RAB39B: variants seen among roughly 807,000 people sequenced by gnomAD.
The protein encoded by RAB39B is RAB39B, member RAS oncogene family, also known as ras-related protein Rab-39B.
For missense variants in RAB39B, 68 were observed against 171.3 expected (o/e 0.40, Z 3.37); for synonymous variants, 63 against 67.5 (o/e 0.93, Z 0.33).
Position 155,260,637 on chromosome X carries a change from G to T in RAB39B, c.*166C>A. The T allele has an allele frequency of 1.9e-6, 1 of 539,408 alleles. No individual in the cohort carries two copies. Among genetic ancestry groups the T allele is most frequent in the Non-Finnish European group, 3.2e-6 (1 of 315,112 alleles). The allele number at this position is 539,408 out of a possible 1,213,427, so 44.5% of individuals were successfully genotyped here. A position where few individuals can be genotyped will look rare whatever the true frequency, so the allele number is the denominator to read the frequency against. ...TCAGTCCCTTGGTCACAGCACTCAG[G>T]CACCCCCATCCACCCGCACACGAGT... On this transcript the variant is annotated 3_prime_UTR_variant, in exon 2 of 2. Coordinates refer to ENST00000369454, the MANE Select transcript of RAB39B (RefSeq NM_171998.4).
In RAB39B at chrX:155,264,458, G is replaced by T; in HGVS notation, c.-170C>A. On this transcript the variant is annotated 5_prime_UTR_variant, in exon 1 of 2. Transcript: ENST00000369454. ...CAGGCGCCGGGAGAGCGGAGGGATG[G>T]ATGCTGCGCTCGCAAAGGTGATGAA... The T allele has an allele frequency of 2.2e-6, 1 of 456,741 alleles. No individual in the cohort carries two copies. The highest frequency in any genetic ancestry group is 3.8e-6 in the Non-Finnish European group (1 of 263,292). 37.6% of individuals were successfully genotyped at this position (456,741 alleles called of 1,213,427 possible).
At position 155,259,015 on chromosome X, in the gene RAB39B, C is replaced by T. The variant is rs1450451863; in HGVS notation, c.*1788G>A. ...GGGGCACAGGTGGCAGAATAGTCTT[C>T]CATAATTTTCATGATTTGGTTTCTT... On this transcript the variant is annotated 3_prime_UTR_variant, in exon 2 of 2. Transcript: ENST00000369454. 8.9e-6 allele frequency: 1 copy of T among 111,932 alleles called. No homozygotes were observed. The allele number at this position is 111,932 out of a possible 1,213,427, so 9.2% of individuals were successfully genotyped here. A position where few individuals can be genotyped will look rare whatever the true frequency, so the allele number is the denominator to read the frequency against.
At chrX:155,262,171 C>G (rs782136646) in intron 1 of RAB39B, among the ~76,000 whole-genome samples, 51 of 111,999 alleles carry the variant, frequency 4.6e-4, no homozygotes, top group Non-Finnish European at 5.8e-4. Context: ...TTGCTTTAGA[C>G]TACTGTGATT....
rs2074845743 is a variant in RAB39B at position 155,259,633 on chromosome X, G to A, written c.*1170C>T. On this transcript the variant is annotated 3_prime_UTR_variant, in exon 2 of 2. Coordinates refer to ENST00000369454, the MANE Select transcript of RAB39B (RefSeq NM_171998.4). ...CATGTTCCCTCAGGATTATAGCTGA[G>A]TTGTAATCAATAAGGAAAACATATC... 1 of 112,124 alleles carries A rather than the reference G, an allele frequency of 8.9e-6. No individual in the cohort carries two copies. Among genetic ancestry groups the A allele is most frequent in the Admixed American group, 9.4e-5 (1 of 10,594 alleles). The allele number at this position is 112,124 out of a possible 1,213,427, so 9.2% of individuals were successfully genotyped here.
At position 155,260,983 on chromosome X, in the gene RAB39B, G is replaced by A; in HGVS notation, c.462C>T (p.Ala154=). The change falls in exon 2 of 2, where the codon GCC becomes GCT. Residue 154 remains alanine, a synonymous_variant. Coordinates refer to ENST00000369454, the MANE Select transcript of RAB39B (RefSeq NM_171998.4). ...AYGMKYIETS[A]RDAINVEKAF... ...CTTTCTCCACATTAATGGCATCTCG[G>A]GCTGACGTTTCAATGTACTTCATGC... The A allele has an allele frequency of 8.3e-7, 1 of 1,211,426 alleles. No individual in the cohort carries two copies.
Position 155,264,430 on chromosome X carries a change from G to A in RAB39B, c.-142C>T, listed in dbSNP as rs1482798917. 5 of 527,190 alleles carry A rather than the reference G, an allele frequency of 9.5e-6. No individual in the cohort carries two copies. The highest frequency in any genetic ancestry group is 1.3e-5 in the Non-Finnish European group (4 of 318,512). The allele number at this position is 527,190 out of a possible 1,213,427, so 43.4% of individuals were successfully genotyped here. On this transcript the variant is annotated 5_prime_UTR_variant, in exon 1 of 2. Transcript: ENST00000369454. Reference sequence around the variant, plus strand: ...GGCCTGGGAGCCCGAAGCTGGGTAGGCCCAGGCGCCGGGAGAGCGGAGGGA... The same window carrying A: ...GGCCTGGGAGCCCGAAGCTGGGTAGACCCAGGCGCCGGGAGAGCGGAGGGA...
Position 155,260,821 on chromosome X carries a change from C to T in RAB39B, c.624G>A (p.Glu208=). The T allele has an allele frequency of 8.3e-7, 1 of 1,211,765 alleles. No individual in the cohort carries two copies. The change falls in exon 2 of 2, where the codon GAG becomes GAA. Residue 208 remains glutamate, a synonymous_variant. Coordinates refer to ENST00000369454, the MANE Select transcript of RAB39B (RefSeq NM_171998.4). ...GAACTGACTAGCACAAACATCTCCT[C>T]TCTGATTTGACAACCTCTTCTGAAG... is the stretch of plus-strand genomic sequence containing the variant. The part of the protein sequence containing the change: ...VHSSEEVVKS[E]RRCLC
At chrX:155,262,674 A>G (rs2074857390) in intron 1 of RAB39B, among the ~76,000 whole-genome samples, 1 of 112,412 alleles carries the variant, frequency 8.9e-6, no homozygotes, top group Non-Finnish European at 1.9e-5. Context: ...GAAAAGACAG[A>G]TGATAAACTA....
chrX:155,262,710 C>A (rs1307378091), intron 1 of RAB39B, among the ~76,000 whole-genome samples: 5 of 111,903 alleles, frequency 4.5e-5, no homozygotes, highest in African/African-American at 1.6e-4. Flanking sequence ...ACATACATGA[C>A]AGGAAAGGGT....
rs1057515828 is a variant in RAB39B, at chrX:155,258,846, TTTTG to T, written c.*1953_*1956del. 18 of 112,171 alleles carry T rather than the reference TTTTG, an allele frequency of 1.6e-4. No homozygotes were observed. Among genetic ancestry groups the T allele is most frequent in the Admixed American group, 3.8e-4 (4 of 10,606 alleles). The allele number at this position is 112,171 out of a possible 1,213,427, so 9.2% of individuals were successfully genotyped here. ...TTTTGTGTTAATGAAATTTGCCATG[TTTTG>T]TTTGTCTTTTACAACCACGAAGGTG... is the stretch of plus-strand genomic sequence containing the variant. On this transcript the variant is annotated 3_prime_UTR_variant, in exon 2 of 2. Transcript: ENST00000369454.
At chrX:155,262,933 A>G (rs1162045137) in intron 1 of RAB39B, among the ~76,000 whole-genome samples, 4 of 112,381 alleles carry the variant, frequency 3.6e-5, no homozygotes, top group Non-Finnish European at 7.5e-5. Context: ...GGGGAGCTGG[A>G]GGTAACTTAA....
Position 155,264,213 on chromosome X carries a change from G to A in RAB39B, c.76C>T (p.Arg26Cys), listed in dbSNP as rs782088270. 2.5e-6 allele frequency: 3 copies of A among 1,210,812 alleles called. No individual in the cohort carries two copies. Among genetic ancestry groups the A allele is most frequent in the Non-Finnish European group, 3.4e-6 (3 of 895,251 alleles). ...DSTVGKSCLI[R>C]RFTEGRFAQV... is the part of the protein sequence containing the mutation. ...GCAAAGCGACCCTCGGTGAAGCGGC[G>A]GATCAGGCAGGACTTGCCCACTGTG... The change falls in exon 1 of 2, where the codon CGC becomes TGC. Residue 26 changes from arginine (R) to cysteine (C), a missense_variant. By Grantham distance (180) the Arg-to-Cys change is radical. Coordinates refer to ENST00000369454, the MANE Select transcript of RAB39B (RefSeq NM_171998.4).
rs1168636979 is a variant in RAB39B at position 155,260,732 on chromosome X, CAA to C, written c.*69_*70del. The C allele has an allele frequency of 9.3e-7, 1 of 1,072,384 alleles. No homozygotes were observed. The highest frequency in any genetic ancestry group is 1.3e-6 in the Non-Finnish European group (1 of 770,877). The allele number at this position is 1,072,384 out of a possible 1,213,427, so 88.4% of individuals were successfully genotyped here. ...GGAGGTTGAGTTCTCATCAGTTACA[CAA>C]AGATTCTATTTATTTCTCTTACTTT... is the stretch of plus-strand genomic sequence containing the variant. On this transcript the variant is annotated 3_prime_UTR_variant, in exon 2 of 2. Coordinates refer to ENST00000369454, the MANE Select transcript of RAB39B (RefSeq NM_171998.4).
In RAB39B at chrX:155,261,076, G is replaced by T; in HGVS notation, c.369C>A (p.His123Gln). Residue 123 changes from histidine (H) to glutamine (Q), a missense_variant, in exon 2 of 2, where the codon CAC becomes CAA. Coordinates refer to ENST00000369454, the MANE Select transcript of RAB39B (RefSeq NM_171998.4). Reference sequence around the variant, plus strand: ...GCCTCTGTGTATCCAGGTCACACTTGTGACCCACCAGAACAAATACAATTT... The same window carrying T: ...GCCTCTGTGTATCCAGGTCACACTTTTGACCCACCAGAACAAATACAATTT... ...PYQIVFVLVG[H>Q]KCDLDTQRQV... 1 of 1,211,637 alleles carries T rather than the reference G, an allele frequency of 8.3e-7. No individual in the cohort carries two copies. Among genetic ancestry groups the T allele is most frequent in the South Asian group, 1.8e-5 (1 of 56,987 alleles).
Position 155,264,391 on chromosome X carries a change from G to T in RAB39B, c.-103C>A. ...CGGCTCGGCAGGATCTAGCTCAGCC[G>T]CGAGCGCATCGCTGGCCTGGGAGCC... On this transcript the variant is annotated 5_prime_UTR_variant, in exon 1 of 2. Coordinates refer to ENST00000369454, the MANE Select transcript of RAB39B (RefSeq NM_171998.4). The T allele has an allele frequency of 3.8e-6, 3 of 799,799 alleles. No individual in the cohort carries two copies. The highest frequency in any genetic ancestry group is 5.6e-6 in the Non-Finnish European group (3 of 539,670). 65.9% of individuals were successfully genotyped at this position (799,799 alleles called of 1,213,427 possible). A position where few individuals can be genotyped will look rare whatever the true frequency, so the allele number is the denominator to read the frequency against.
chrX:155,262,271 C>T (rs1346085278), intron 1 of RAB39B, among the ~76,000 whole-genome samples: 2 of 111,828 alleles, frequency 1.8e-5, no homozygotes, highest in Non-Finnish European at 3.8e-5. Flanking sequence ...GAAAATGGCT[C>T]AATGTTAGCA....
At chrX:155,263,139 C>G (rs5983697) in intron 1 of RAB39B, among the ~76,000 whole-genome samples, 1 of 111,387 alleles carries the variant, frequency 9.0e-6, no homozygotes, top group East Asian at 2.8e-4. Context: ...TGCTCCCTCT[C>G]ACTTCTGTCT....
rs1308826896 is a variant in RAB39B, at chrX:155,260,640, C to A, written c.*163G>T. On this transcript the variant is annotated 3_prime_UTR_variant, in exon 2 of 2. Coordinates refer to ENST00000369454, the MANE Select transcript of RAB39B (RefSeq NM_171998.4). The stretch of plus-strand genomic sequence containing the variant: ...GTCCCTTGGTCACAGCACTCAGGCA[C>A]CCCCATCCACCCGCACACGAGTCTG... 16 of 548,477 alleles carry A rather than the reference C, an allele frequency of 2.9e-5. No homozygotes were observed. In the East Asian group the frequency reaches 3.7e-4, roughly 13 times the overall value. The allele number at this position is 548,477 out of a possible 1,213,427, so 45.2% of individuals were successfully genotyped here. A position where few individuals can be genotyped will look rare whatever the true frequency, so the allele number is the denominator to read the frequency against.
At position 155,264,332 on chromosome X, in the gene RAB39B, G is replaced by A. The variant is rs1557314554; in HGVS notation, c.-44C>T. 2 of 1,131,826 alleles carry A rather than the reference G, an allele frequency of 1.8e-6. No homozygotes were observed. Among genetic ancestry groups the A allele is most frequent in the Non-Finnish European group, 2.4e-6 (2 of 823,845 alleles). The allele number at this position is 1,131,826 out of a possible 1,213,427, so 93.3% of individuals were successfully genotyped here. On this transcript the variant is annotated 5_prime_UTR_variant, in exon 1 of 2. Transcript: ENST00000369454. ...CTCCTTGGCCCGGACCGGGGACGGC[G>A]GGAGGGGGCGCCCCGCCGACGCCTC...
Sources: gnomAD v4.1 joint callset for allele counts (sites outside exome capture counted in the v4.1 genomes callset) on GRCh38, gnomAD v4.1.1 for gene constraint, MANE v1.5 for transcripts, NCBI Gene and HGNC (gene_info 2026-07-23, HGNC 2026-07-21) for gene names.